The following CPA4 variants were observed in gnomAD, a reference collection of about 807,000 sequenced individuals.
CPA4 encodes the protein carboxypeptidase A4, also known as carboxypeptidase A3.
Under a neutral mutation model 54.7 loss-of-function variants are expected in CPA4, and 49 were observed. That is an observed-to-expected ratio of 0.90 (90% CI 0.71 to 1.14). The LOEUF (loss-of-function observed/expected upper bound fraction) is 1.14. Ranked by LOEUF, CPA4 falls within the 50% of genes most tolerant of loss-of-function variation. The probability of loss-of-function intolerance (pLI) is 0.00; values close to 1 mark genes in which losing one functional copy is unlikely to be tolerated. For missense variants in CPA4, 487 were observed against 525.1 expected, an observed-to-expected ratio of 0.93 and a Z score of 0.71; for synonymous variants, 215 against 206.8, an observed-to-expected ratio of 1.04 and a Z score of -0.34.
intron 1 of CPA4, among the ~76,000 whole-genome samples, chr7:130,298,049 A>T (rs908275309): frequency 6.6e-6 from 1 of 151,982 alleles, no homozygotes; most frequent in African/African-American, 2.4e-5. Context: ...CGTAGGGAGG[A>T]GTGGATCCTA....
intron 10 of CPA4, among the ~76,000 whole-genome samples, chr7:130,318,910 A>C (rs1345167555): frequency 6.6e-6 from 1 of 152,148 alleles, no homozygotes; most frequent in Non-Finnish European, 1.5e-5. Context: ...ATTTTAGAGG[A>C]AAATAATTCT....
intron 1 of CPA4, among the ~76,000 whole-genome samples, chr7:130,297,079 A>T (rs916553592): frequency 2.0e-5 from 3 of 152,010 alleles, no homozygotes; most frequent in African/African-American, 7.3e-5. Flanking sequence ...CAGCCTCCTG[A>T]GTAGCTGGCC....
At chr7:130,307,058 T>C (rs1295516663) in intron 7 of CPA4, among the ~76,000 whole-genome samples, 161 bp downstream of exon 7, 1 of 152,220 alleles carries the variant, frequency 6.6e-6, no homozygotes, top group Non-Finnish European at 1.5e-5. Flanking sequence ...CCAGGGGATA[T>C]TTCTTCTTAG....
chr7:130,304,270 A>G (rs569955276), intron 4 of CPA4, among the ~76,000 whole-genome samples: 21 of 152,218 alleles, frequency 1.4e-4, no homozygotes, highest in Non-Finnish European at 2.5e-4. Flanking sequence ...AATTTTGTGA[A>G]CAAACAAGTG....
In CPA4 at chr7:130,323,955, C is replaced by T. The variant is rs1295621825; in HGVS notation, c.*1279C>T. ...TGTGTGTTTGTGTGTGTGTGTCTGT[C>T]TATTTTGTATCCTGGACCACAAGTT... On this transcript the variant is annotated 3_prime_UTR_variant, in exon 11 of 11. Coordinates refer to ENST00000222482, the MANE Select transcript of CPA4 (RefSeq NM_016352.4). 6.7e-6 allele frequency: 1 copy of T among 149,248 alleles called. No homozygotes were observed. Among genetic ancestry groups the T allele is most frequent in the Non-Finnish European group, 1.5e-5 (1 of 67,286 alleles). The allele number at this position is 149,248 out of a possible 1,614,324, so 9.2% of individuals were successfully genotyped here.
chr7:130,301,354 G>A (rs1022855353), intron 4 of CPA4, among the ~76,000 whole-genome samples: 2 of 152,088 alleles, frequency 1.3e-5, no homozygotes, highest in Non-Finnish European at 2.9e-5. Context: ...GTATATATTT[G>A]TTCCATCATG....
At chr7:130,316,345 C>T (rs753790680) in intron 10 of CPA4, among the ~76,000 whole-genome samples, 1 of 152,110 alleles carries the variant, frequency 6.6e-6, no homozygotes, top group Non-Finnish European at 1.5e-5. Flanking sequence ...TTTAGAATCG[C>T]TGTATAAATT....
At chr7:130,321,668 C>A (rs1166120077) in intron 10 of CPA4, among the ~76,000 whole-genome samples, 1 of 152,172 alleles carries the variant, frequency 6.6e-6, no homozygotes, top group Non-Finnish European at 1.5e-5. Flanking sequence ...AGGCAAAAGG[C>A]ATGTCTTACA....
chr7:130,303,898 T>A (rs754793396), intron 4 of CPA4, among the ~76,000 whole-genome samples: 37 of 152,070 alleles, frequency 2.4e-4, no homozygotes, highest in Non-Finnish European at 4.4e-4. Flanking sequence ...CACCTTGGCC[T>A]CCCAAAGTGT....
chr7:130,320,689 G>T (rs1014975741), intron 10 of CPA4, among the ~76,000 whole-genome samples: 3 of 152,168 alleles, frequency 2.0e-5, no homozygotes, highest in Non-Finnish European at 4.4e-5. Flanking sequence ...ATGGACCTGG[G>T]TTTAGATTGC....
chr7:130,298,676 G>A (rs1289162871), intron 1 of CPA4, 70 bp from the exon 2 acceptor site: 2 of 929,202 alleles, frequency 2.2e-6, no homozygotes, highest in African/African-American at 3.3e-5. Context: ...TAGGAGGCTT[G>A]GGGGTTTCTT....
chr7:130,311,353 G>T (rs1057195441), intron 9 of CPA4, among the ~76,000 whole-genome samples: 1 of 152,178 alleles, frequency 6.6e-6, no homozygotes, highest in African/African-American at 2.4e-5. Flanking sequence ...GAGGGCGAAG[G>T]CCACAGCCTG....
At chr7:130,309,253 A>G (rs572793103) in intron 8 of CPA4, among the ~76,000 whole-genome samples, 17 of 152,236 alleles carry the variant, frequency 1.1e-4, no homozygotes, top group Non-Finnish European at 2.1e-4. Context: ...TGAGATTGCC[A>G]TCTATGCTAA....
chr7:130,306,671 C>T, intron 6 of CPA4, 116 bp from the exon 7 acceptor site: 1 of 645,530 alleles, frequency 1.5e-6, no homozygotes, highest in South Asian at 1.9e-5. Flanking sequence ...AGGGTGGATG[C>T]TGTTCTAGGA....
Position 130,310,995 on chromosome 7 carries a change from C to T in CPA4, c.993+9C>T, listed in dbSNP as rs751377561. ...CAGATGCCGAGGAACTCGTGAGTCA[C>T]AGCTGCCTCCCACCCAGCCTGGGGC... On this transcript the variant is annotated intron_variant, in intron 9 of 10. Coordinates refer to ENST00000222482, the MANE Select transcript of CPA4 (RefSeq NM_016352.4). The surrounding 1 kb of genome is among the most constrained non-coding windows in gnomAD (Gnocchi z 4.3). 11 of 1,612,106 alleles carry T rather than the reference C, an allele frequency of 6.8e-6. No homozygotes were observed. Among genetic ancestry groups the T allele is most frequent in the Non-Finnish European group, 9.3e-6 (11 of 1,179,098 alleles).
intron 5 of CPA4, 23 bp downstream of exon 5, chr7:130,304,602 G>A (rs1268508852): frequency 7.3e-7 from 1 of 1,374,888 alleles, no homozygotes; most frequent in Admixed American, 1.7e-5. Flanking sequence ...GCACTTGGAA[G>A]GGTCTCCTGG....
intron 10 of CPA4, among the ~76,000 whole-genome samples, chr7:130,317,189 G>A (rs1340345915): frequency 1.3e-5 from 2 of 152,140 alleles, no homozygotes; most frequent in African/African-American, 4.8e-5. Flanking sequence ...CTGGCCTATT[G>A]TACCTTTCGT....
At chr7:130,315,496 G>A (rs1793974522) in intron 10 of CPA4, among the ~76,000 whole-genome samples, 1 of 152,092 alleles carries the variant, frequency 6.6e-6, no homozygotes, top group African/African-American at 2.4e-5. Flanking sequence ...GGGATGTGTG[G>A]CTTCCAGGTG....
intron 1 of CPA4, among the ~76,000 whole-genome samples, chr7:130,296,553 T>TC (rs1475567324): frequency 6.6e-6 from 1 of 152,168 alleles, no homozygotes; most frequent in Non-Finnish European, 1.5e-5. Flanking sequence ...CCTCCTTTTT[T>TC]CTCCTCCTGT....
Sources: gnomAD v4.1 joint callset for allele counts (sites outside exome capture counted in the v4.1 genomes callset) on GRCh38, gnomAD v4.1.1 for gene constraint, Gnocchi (gnomAD v3.1) non-coding constraint, MANE v1.5 for transcripts, NCBI Gene and HGNC (gene_info 2026-07-23, HGNC 2026-07-21) for gene names.